CPNE1: variants seen among roughly 807,000 people sequenced by gnomAD.
CPNE1 encodes copine-1.
A neutral mutation model predicts 63.2 loss-of-function variants in CPNE1; 58 were observed. The observed-to-expected ratio is 0.92, with a 90% confidence interval of 0.74 to 1.14. CPNE1 has a LOEUF of 1.14. Among genes scored for constraint, CPNE1 ranks in the 50% most tolerant of loss-of-function variants. The pLI is 0.00. For missense variants in CPNE1, 672 were observed against 661.7 expected (o/e 1.02, Z -0.17); for synonymous variants, 237 against 249.0 (o/e 0.95, Z 0.45).
intron 5 of CPNE1, 30 bp from the exon 6 acceptor site, chr20:35,632,055 TC>T: frequency 6.2e-7 from 1 of 1,611,156 alleles, no homozygotes; most frequent in Non-Finnish European, 8.5e-7. Context: ...GTTACAAGAC[TC>T]AGGAACAAAC....
At chr20:35,661,783 A>G (rs1027831580) in intron 1 of CPNE1, among the ~76,000 whole-genome samples, 9 of 152,180 alleles carry the variant, frequency 5.9e-5, no homozygotes, top group African/African-American at 2.2e-4. Context: ...TAAAACGACT[A>G]TTTTCACTCT....
chr20:35,636,054 GAAGGC>G (rs146869264), intron 1 of CPNE1, among the ~76,000 whole-genome samples: 151 of 152,296 alleles, frequency 9.9e-4, no homozygotes, highest in African/African-American at 3.6e-3. Context: ...GGCTCCATGG[GAAGGC>G]CTTACCCTAT....
At chr20:35,653,128 G>C (rs1370310806) in intron 1 of CPNE1, 4 of 1,613,704 alleles carry the variant, frequency 2.5e-6, no homozygotes, top group Non-Finnish European at 1.7e-6. Context: ...TGGCCCAAAG[G>C]CATTTGATCC....
rs145100771 is a variant in CPNE1, at chr20:35,631,837, C to T, written c.538-60G>A. On this transcript the variant is annotated intron_variant, in intron 6 of 15. Transcript: ENST00000397443. The stretch of plus-strand genomic sequence containing the variant: ...GGCATGGCCCCCTGAGGAGCTGCCA[C>T]ACTTCTCTACCCACCTGCAGTCTCT... 1.0e-3 allele frequency: 1,578 copies of T among 1,542,222 alleles called. 20 individuals are homozygous for T. The African/African-American group carries it at 0.018, about 18-fold the overall frequency.
chr20:35,626,313 C>T lies in CPNE1; in HGVS notation c.1542G>A (p.Arg514=). The T allele has an allele frequency of 2.5e-6, 4 of 1,613,996 alleles. No individual in the cohort carries two copies. Among genetic ancestry groups the T allele is most frequent in the Non-Finnish European group, 3.4e-6 (4 of 1,179,994 alleles). The change falls in exon 16 of 16, where the codon AGG becomes AGA. Residue 514 remains arginine (R), a synonymous_variant. Coordinates refer to ENST00000397443, the MANE Select transcript of CPNE1 (RefSeq NM_152925.3). ...EVPTQLVSYF[R]AQGWAPLKPL... The stretch of plus-strand genomic sequence containing the variant: ...GCTTGAGCGGGGCCCAACCCTGGGC[C>T]CTGAAGTATGAGACCAGTTGTGTGG...
At chr20:35,659,048 T>C (rs2034077159) in intron 1 of CPNE1, 5 of 711,214 alleles carry the variant, frequency 7.0e-6, no homozygotes, top group Admixed American at 4.1e-5. Flanking sequence ...CAAAAATCAA[T>C]GCAGGAAACA....
At chr20:35,660,416 TTA>T (rs2146376475) in intron 1 of CPNE1, among the ~76,000 whole-genome samples, 1 of 152,208 alleles carries the variant, frequency 6.6e-6, no homozygotes, top group African/African-American at 2.4e-5. Context: ...AGGGGTTTCA[TTA>T]TGTTACCCAG....
intron 1 of CPNE1, chr20:35,659,146 A>T: frequency 2.2e-6 from 1 of 455,298 alleles, no homozygotes. Context: ...ATCAAAAAAA[A>T]AAAAAAAAAG....
chr20:35,648,016 G>A (rs2033243658), intron 1 of CPNE1, among the ~76,000 whole-genome samples: 2 of 150,408 alleles, frequency 1.3e-5, no homozygotes, highest in Non-Finnish European at 2.9e-5. Context: ...AGTGAGCCGA[G>A]ATCGCACCAC....
chr20:35,661,903 A>T (rs1425398693), intron 1 of CPNE1, among the ~76,000 whole-genome samples: 2 of 152,210 alleles, frequency 1.3e-5, no homozygotes, highest in Non-Finnish European at 2.9e-5. Flanking sequence ...TCCAAAAGAA[A>T]CAAACTCTCA....
chr20:35,638,262 C>A (rs1268041956), intron 1 of CPNE1, among the ~76,000 whole-genome samples: 3 of 152,182 alleles, frequency 2.0e-5, no homozygotes. Flanking sequence ...TCTCCCCTAT[C>A]CTGATCTTGT....
rs369651881 is a variant in CPNE1, at chr20:35,630,485, C to A, written c.1056G>T (p.Ser352=). ...GAQVPPDWQV[S]HEFALNFNPS... The stretch of plus-strand genomic sequence containing the variant: ...GGTTGAAATTCAAGGCAAATTCATG[C>A]GAGACCTGGAGACAAGAATGAAAAT... Residue 352 remains serine, a synonymous_variant, in exon 13 of 16, where the codon TCG becomes TCT. Transcript: ENST00000397443. The A allele has an allele frequency of 6.2e-7, 1 of 1,613,994 alleles. No homozygotes were observed. Among genetic ancestry groups the A allele is most frequent in the South Asian group, 1.1e-5 (1 of 91,070 alleles).
chr20:35,632,379 A>G lies in CPNE1; in HGVS notation c.316T>C (p.Ser106Pro). ...GAECSLGQIV[S>P]SQVLTLPLML... ...AAGGGGAGAGTCAGTACCTGGCTGG[A>G]CACAATCTGGGGAAAAGCAGGGAAG... Residue 106 changes from serine (S) to proline (P), a missense_variant, in exon 4 of 16, where the codon TCC becomes CCC. Coordinates refer to ENST00000397443, the MANE Select transcript of CPNE1 (RefSeq NM_152925.3). The G allele has an allele frequency of 6.2e-7, 1 of 1,613,972 alleles. No homozygotes were observed. Among genetic ancestry groups the G allele is most frequent in the South Asian group, 1.1e-5 (1 of 91,074 alleles).
intron 1 of CPNE1, among the ~76,000 whole-genome samples, chr20:35,658,014 CCAGCCT>C (rs1188059252): frequency 4.6e-5 from 7 of 151,802 alleles, no homozygotes; most frequent in African/African-American, 1.7e-4. Context: ...CCACTGCACT[CCAGCCT>C]GGGCAACAAG....
At chr20:35,659,883 G>C (rs1433998557) in intron 1 of CPNE1, among the ~76,000 whole-genome samples, 1 of 151,782 alleles carries the variant, frequency 6.6e-6, no homozygotes, top group Non-Finnish European at 1.5e-5. Flanking sequence ...GTTTTAATTC[G>C]GAGAGAGAAG....
intron 1 of CPNE1, chr20:35,652,822 C>A (rs745961498): frequency 5.0e-6 from 8 of 1,596,240 alleles, no homozygotes; most frequent in Non-Finnish European, 6.8e-6. Flanking sequence ...TGGGCCAGGG[C>A]CGGGGCCGGG....
rs1259290232 is a variant in CPNE1 at position 35,631,527 on chromosome 20, A to C, written c.679T>G (p.Phe227Val). 3 of 1,614,074 alleles carry C rather than the reference A, an allele frequency of 1.9e-6. No individual in the cohort carries two copies. The highest frequency in any genetic ancestry group is 2.5e-6 in the Non-Finnish European group (3 of 1,179,974). ...SDGSHDLIGTFHTSLAQLQAV... is the reference protein window; with the variant it reads ...SDGSHDLIGTVHTSLAQLQAV... ...TGCAGCTGGGCCAAGCTGGTGTGGA[A>C]GGTACCGATGAGATCATGTGACCCG... Residue 227 changes from phenylalanine to valine, a missense_variant, in exon 8 of 16, where the codon TTC (phenylalanine) becomes GTC (valine). Transcript: ENST00000397443.
At position 35,654,585 on chromosome 20, in the gene CPNE1, G is replaced by A. The variant is rs754518733; in HGVS notation, c.-1+10175C>T. The A allele has an allele frequency of 1.9e-6, 3 of 1,614,102 alleles. No homozygotes were observed. The African/African-American group carries it at 4.0e-5, about 22-fold the overall frequency. ...GAGGTGCCACAGGTGGCGGATTCAA[G>A]GGCGGCATGCCCGACATGGGTGGCA... On this transcript the variant is annotated intron_variant, in intron 1 of 15. Coordinates refer to ENST00000397443, the MANE Select transcript of CPNE1 (RefSeq NM_152925.3).
In CPNE1 at chr20:35,630,933, C is replaced by T. The variant is rs2032084055; in HGVS notation, c.963G>A (p.Trp321Ter). 6.2e-7 allele frequency: 1 copy of T among 1,612,702 alleles called. No individual in the cohort carries two copies. The highest frequency in any genetic ancestry group is 2.2e-5 in the East Asian group (1 of 44,866). The change falls in exon 11 of 16, where the codon TGG (tryptophan) becomes TGA (stop). Residue 321 changes from tryptophan to a stop codon, truncating the protein, a stop_gained. Coordinates refer to ENST00000397443, the MANE Select transcript of CPNE1 (RefSeq NM_152925.3). LOFTEE classifies it high-confidence loss of function. ...TGVNEYLMAL[W>*]SVGSVVQDYD... ...AGTCCTGAACCACGCTGCCCACACT[C>T]CACAGTGCCATCAGGTACTCATTGA...
Sources: allele counts gnomAD v4.1 joint callset (sites outside exome capture counted in the v4.1 genomes callset), GRCh38; gene constraint gnomAD v4.1.1; transcripts MANE v1.5; gene names NCBI Gene and HGNC (gene_info 2026-07-23, HGNC 2026-07-21).